The following DYNC1I1 variants were observed in gnomAD, a reference collection of about 807,000 sequenced individuals.
DYNC1I1 encodes dynein cytoplasmic 1 intermediate chain 1.
In DYNC1I1, 43 loss-of-function variants were observed where a neutral mutation model predicts 86.6. The ratio of observed to expected loss-of-function variants is 0.50; its 90% confidence interval spans 0.39 to 0.64. The LOEUF is 0.64. DYNC1I1 is among the 30% of genes least tolerant of loss of function. The probability of loss-of-function intolerance (pLI) is 0.00; values close to 1 mark genes in which losing one functional copy is unlikely to be tolerated. For synonymous variants in DYNC1I1, 262 were observed against 283.7 expected (o/e 0.92, Z 0.77); for missense variants, 604 against 788.8 (o/e 0.77, Z 2.81).
At chr7:95,985,553 T>A (rs1329223399) in intron 8 of DYNC1I1, among the ~76,000 whole-genome samples, 1 of 152,172 alleles carries the variant, frequency 6.6e-6, no homozygotes, top group Non-Finnish European at 1.5e-5. Flanking sequence ...TCTGTGACTG[T>A]AGCATAGGTA....
chr7:96,007,347 T>A (rs189967564), intron 10 of DYNC1I1, among the ~76,000 whole-genome samples: 156 of 152,342 alleles, frequency 1.0e-3, no homozygotes, highest in African/African-American at 3.4e-3. Context: ...GATCCAACAG[T>A]GTTGAATCTT....
chr7:96,023,455 TG>T (rs923809225), intron 10 of DYNC1I1, among the ~76,000 whole-genome samples: 1 of 152,142 alleles, frequency 6.6e-6, no homozygotes, highest in African/African-American at 2.4e-5. Flanking sequence ...CCTGGGCATC[TG>T]GGTCTGTGGT....
chr7:95,823,257 G>A (rs571387588), intron 4 of DYNC1I1, among the ~76,000 whole-genome samples: 8 of 152,200 alleles, frequency 5.3e-5, no homozygotes, highest in African/African-American at 1.9e-4. Context: ...CAGGTCAAAT[G>A]GAATCTCTAA....
intron 1 of DYNC1I1, among the ~76,000 whole-genome samples, chr7:95,803,249 A>G (rs896797158): frequency 1.3e-5 from 2 of 152,246 alleles, no homozygotes; most frequent in African/African-American, 4.8e-5. Flanking sequence ...CAATAAGCCA[A>G]GATCTCAGAG....
chr7:95,890,180 C>A (rs928224718), intron 6 of DYNC1I1, among the ~76,000 whole-genome samples: 9 of 152,172 alleles, frequency 5.9e-5, no homozygotes, highest in Non-Finnish European at 8.8e-5. Flanking sequence ...TGGAATCAAC[C>A]TCAATGCCCA....
chr7:95,814,077 G>C (rs1015265191), intron 4 of DYNC1I1, among the ~76,000 whole-genome samples: 1 of 152,140 alleles, frequency 6.6e-6, no homozygotes, highest in African/African-American at 2.4e-5. Flanking sequence ...GTTCCCACAT[G>C]CCGGGGTCCA....
chr7:95,853,204 C>T (rs187002362), intron 5 of DYNC1I1, among the ~76,000 whole-genome samples: 1,550 of 152,168 alleles, frequency 0.01, 8 homozygotes, highest in Non-Finnish European at 0.016. Flanking sequence ...AATTTAATTG[C>T]CATTGTGACA....
At chr7:95,888,716 C>T (rs1347241020) in intron 6 of DYNC1I1, among the ~76,000 whole-genome samples, 2 of 152,156 alleles carry the variant, frequency 1.3e-5, no homozygotes, top group African/African-American at 4.8e-5. Flanking sequence ...TCTTAGGTTT[C>T]ATTATTTGCT....
intron 5 of DYNC1I1, among the ~76,000 whole-genome samples, chr7:95,861,766 G>T (rs78784538): frequency 1.5e-3 from 236 of 152,268 alleles, no homozygotes; most frequent in African/African-American, 5.3e-3. Context: ...TCTTGCTAGT[G>T]GTGGAAGTCA....
intron 7 of DYNC1I1, among the ~76,000 whole-genome samples, chr7:95,979,711 G>T (rs2115650551): frequency 6.6e-6 from 1 of 152,326 alleles, no homozygotes; most frequent in South Asian, 2.1e-4. Context: ...ACATTGAGAA[G>T]TTCAATCGTT....
chr7:96,068,176 A>G (rs987809695), intron 14 of DYNC1I1, among the ~76,000 whole-genome samples: 24 of 152,276 alleles, frequency 1.6e-4, no homozygotes, highest in African/African-American at 5.3e-4. Context: ...CTCACCTCAC[A>G]TTTAGAGCAT....
chr7:96,099,253 T>A (rs1791091225), downstream of DYNC1I1, among the ~76,000 whole-genome samples: 1 of 152,232 alleles, frequency 6.6e-6, no homozygotes, highest in African/African-American at 2.4e-5. Context: ...CATAAAATGT[T>A]ACAAGAACAT....
chr7:95,931,396 C>T (rs576654859), intron 6 of DYNC1I1, among the ~76,000 whole-genome samples: 23 of 152,154 alleles, frequency 1.5e-4, no homozygotes, highest in Non-Finnish European at 2.5e-4. Context: ...GTGATCCACC[C>T]ACTCGGCCTC....
intron 1 of DYNC1I1, among the ~76,000 whole-genome samples, chr7:95,790,435 A>G (rs1794265711): frequency 6.6e-6 from 1 of 151,920 alleles, no homozygotes; most frequent in Non-Finnish European, 1.5e-5. Flanking sequence ...TGGGAGCACC[A>G]CTCACCTGTG....
chr7:95,890,724 T>C (rs1015544878), intron 6 of DYNC1I1, among the ~76,000 whole-genome samples: 2 of 152,188 alleles, frequency 1.3e-5, no homozygotes, highest in African/African-American at 4.8e-5. Flanking sequence ...TAATAAAAAT[T>C]AGGTTGCTCA....
intron 9 of DYNC1I1, among the ~76,000 whole-genome samples, chr7:95,994,714 A>G (rs1381460684): frequency 1.3e-5 from 2 of 152,212 alleles, no homozygotes; most frequent in East Asian, 1.9e-4. Flanking sequence ...ATGATGAGCC[A>G]TTAAAGTATT....
In DYNC1I1 at chr7:95,885,445, G is replaced by A. The variant is rs150816136; in HGVS notation, c.490+15447G>A. Among the ~76,000 whole-genome samples the A allele has an allele frequency of 1.3e-3, 201 of 152,142 alleles. 1 individual carries two copies. Among genetic ancestry groups the A allele is most frequent in the Admixed American group, 2.6e-3 (39 of 15,276 alleles). ...ATTCGCCTCAGCCTCTCAAAGTGCT[G>A]GGATTACAGACATGAGCCACCATGC... On this transcript the variant is annotated intron_variant, in intron 6 of 16. Coordinates refer to ENST00000447467, the MANE Select transcript of DYNC1I1 (RefSeq NM_001135556.2).
chr7:96,100,048 C>T (rs1791104307), downstream of DYNC1I1, among the ~76,000 whole-genome samples: 2 of 152,156 alleles, frequency 1.3e-5, no homozygotes, highest in Admixed American at 1.3e-4. Flanking sequence ...AAAGATGTGC[C>T]TTTCAGATTT....
At chr7:95,843,716 T>G (rs1055361921) in intron 5 of DYNC1I1, among the ~76,000 whole-genome samples, 1 of 152,116 alleles carries the variant, frequency 6.6e-6, no homozygotes, top group Non-Finnish European at 1.5e-5. Flanking sequence ...AAAAAATGAC[T>G]TCAAGAAAAT....
Sources: gnomAD v4.1 joint callset for allele counts (sites outside exome capture counted in the v4.1 genomes callset) on GRCh38, gnomAD v4.1.1 for gene constraint, MANE v1.5 for transcripts, NCBI Gene and HGNC (gene_info 2026-07-23, HGNC 2026-07-21) for gene names.